Variants in TMEM135 observed in about 807,000 individuals in gnomAD.
TMEM135 encodes the protein peroxisomal membrane protein 52.
A neutral mutation model predicts 60.3 loss-of-function variants in TMEM135; 30 were observed. That is an observed-to-expected ratio of 0.50 (90% CI 0.37 to 0.68). TMEM135 has a LOEUF of 0.68. Ranked by LOEUF, TMEM135 falls within the 30% of genes least tolerant of loss-of-function variation. The pLI is 0.00. For synonymous variants in TMEM135, 190 were observed against 186.7 expected, an observed-to-expected ratio of 1.02 and a Z score of -0.14; for missense variants, 468 against 548.8, an observed-to-expected ratio of 0.85 and a Z score of 1.47.
chr11:87,158,675 AG>A, intron 5 of TMEM135, among the ~76,000 whole-genome samples: 2 of 152,196 alleles, frequency 1.3e-5, no homozygotes, highest in East Asian at 1.9e-4. Context: ...CATGTTAGCC[AG>A]GATGGTCTCG....
chr11:87,156,963 A>G (rs1823443928), intron 4 of TMEM135, among the ~76,000 whole-genome samples: 1 of 152,176 alleles, frequency 6.6e-6, no homozygotes. Flanking sequence ...AGCTCTTAAA[A>G]GATTGTGATT....
At chr11:87,123,783 T>C (rs1937645355) in intron 4 of TMEM135, among the ~76,000 whole-genome samples, 1 of 152,208 alleles carries the variant, frequency 6.6e-6, no homozygotes, top group African/African-American at 2.4e-5. Flanking sequence ...AATTAACATT[T>C]ATTGAGCCCC....
At chr11:87,060,653 T>C (rs1949937574) in intron 1 of TMEM135, among the ~76,000 whole-genome samples, 1 of 151,690 alleles carries the variant, frequency 6.6e-6, no homozygotes. Context: ...TTTCCTTTTT[T>C]TTTTTTTGAG....
At chr11:87,070,989 C>G (rs1283736700) in intron 2 of TMEM135, among the ~76,000 whole-genome samples, 1 of 152,078 alleles carries the variant, frequency 6.6e-6, no homozygotes, top group Non-Finnish European at 1.5e-5. Flanking sequence ...CTTAATGGCT[C>G]TATGAGATAG....
chr11:87,073,368 A>T (rs986158648), intron 3 of TMEM135, among the ~76,000 whole-genome samples: 1 of 152,150 alleles, frequency 6.6e-6, no homozygotes, highest in Non-Finnish European at 1.5e-5. Flanking sequence ...TGTAAGTGTC[A>T]TAGTATCTAA....
chr11:87,112,242 C>T (rs1268914699), intron 4 of TMEM135, among the ~76,000 whole-genome samples: 2 of 152,116 alleles, frequency 1.3e-5, no homozygotes, highest in Non-Finnish European at 2.9e-5. Context: ...TGACTTTGGT[C>T]TAGAAGGTAA....
intron 5 of TMEM135, among the ~76,000 whole-genome samples, chr11:87,223,307 G>A (rs868436261): frequency 5.9e-5 from 9 of 151,874 alleles, no homozygotes; most frequent in Admixed American, 2.6e-4. Flanking sequence ...TGTGACTACA[G>A]GCGCCAGCCA....
chr11:87,073,232 A>T (rs977524426), intron 3 of TMEM135, among the ~76,000 whole-genome samples: 2 of 152,044 alleles, frequency 1.3e-5, no homozygotes, highest in Non-Finnish European at 2.9e-5. Context: ...ACGGGGTTTC[A>T]CTTTGTTGGC....
chr11:87,201,912 C>A (rs1013039633), intron 5 of TMEM135, among the ~76,000 whole-genome samples: 3 of 151,694 alleles, frequency 2.0e-5, no homozygotes, highest in African/African-American at 7.3e-5. Context: ...TAAACACACA[C>A]ACATACACAT....
intron 4 of TMEM135, among the ~76,000 whole-genome samples, chr11:87,156,732 C>T (rs1467408503): frequency 6.6e-6 from 1 of 152,104 alleles, no homozygotes; most frequent in African/African-American, 2.4e-5. Flanking sequence ...ACTTTATCTC[C>T]TGTCTCTATA....
chr11:87,082,874 G>A (rs950258944), intron 3 of TMEM135, among the ~76,000 whole-genome samples: 32 of 152,162 alleles, frequency 2.1e-4, no homozygotes, highest in African/African-American at 7.2e-4. Flanking sequence ...AGCTTTAATA[G>A]TGCAATCTTT....
chr11:87,081,939 C>T (rs1213810064), intron 3 of TMEM135, among the ~76,000 whole-genome samples: 1 of 152,054 alleles, frequency 6.6e-6, no homozygotes, highest in Admixed American at 6.6e-5. Flanking sequence ...CTCATTGTTA[C>T]ATTATTGAAC....
chr11:87,186,492 T>C (rs1365502448), intron 5 of TMEM135, among the ~76,000 whole-genome samples: 1 of 152,206 alleles, frequency 6.6e-6, no homozygotes, highest in African/African-American at 2.4e-5. Context: ...TTGTATAGGA[T>C]ATAGGAGTGG....
At position 87,303,980 on chromosome 11, in the gene TMEM135, C is replaced by T. The variant is rs572709503; in HGVS notation, c.698+1538C>T. Among the ~76,000 whole-genome samples the T allele has an allele frequency of 2.0e-4, 30 of 152,252 alleles. 1 individual carries two copies. Among genetic ancestry groups the T allele is most frequent in the Admixed American group, 5.9e-4 (9 of 15,288 alleles). On this transcript the variant is annotated intron_variant, in intron 8 of 14. Coordinates refer to ENST00000305494, the MANE Select transcript of TMEM135 (RefSeq NM_022918.4). ...TACTACAGAAGCAAAGCAAATAATA[C>T]AAGAGACAGGCATTCCAGGTGCTGG... is the stretch of plus-strand genomic sequence containing the variant.
chr11:87,145,895 G>A (rs987863039), intron 4 of TMEM135, among the ~76,000 whole-genome samples: 8 of 152,018 alleles, frequency 5.3e-5, no homozygotes, highest in South Asian at 4.1e-4. Flanking sequence ...TCTCTACTCC[G>A]TTGTTTTCTT....
At chr11:87,181,186 C>T (rs911051266) in intron 5 of TMEM135, among the ~76,000 whole-genome samples, 2 of 151,906 alleles carry the variant, frequency 1.3e-5, no homozygotes, top group Non-Finnish European at 2.9e-5. Flanking sequence ...ACTAAAATAC[C>T]TAAAAATGTT....
At chr11:87,157,685 G>T (rs531500) in intron 5 of TMEM135, 118,258 of 325,250 alleles carry the variant, frequency 0.36, 22,496 homozygotes, top group East Asian at 0.66. Context: ...ACAAATGTTT[G>T]TAATGAAAAA....
rs370513128 is a variant in TMEM135, at chr11:87,244,325, G to A, written c.509+7641G>A. The stretch of plus-strand genomic sequence containing the variant: ...GTCTAAAATTCTCTTTTTTGGTTGT[G>A]TCTCTGCCCGGCTTTGGTATCAGGA... On this transcript the variant is annotated intron_variant, in intron 6 of 14. Coordinates refer to ENST00000305494, the MANE Select transcript of TMEM135 (RefSeq NM_022918.4). Among the ~76,000 whole-genome samples the A allele has an allele frequency of 1.3e-4, 9 of 70,678 alleles. 2 individuals carry two copies. In the East Asian group the frequency reaches 2.1e-3, roughly 17 times the overall value. The allele number at this position is 70,678 out of a possible 152,430, so 46.4% of individuals were successfully genotyped here.
At chr11:87,130,121 T>TAA (rs112889721) in intron 4 of TMEM135, among the ~76,000 whole-genome samples, 5 of 148,152 alleles carry the variant, frequency 3.4e-5, no homozygotes, top group East Asian at 2.0e-4. Flanking sequence ...AGTACATTTT[T>TAA]AAAAAAAAAA....
Sources: gnomAD v4.1 joint callset for allele counts (sites outside exome capture counted in the v4.1 genomes callset) on GRCh38, gnomAD v4.1.1 for gene constraint, MANE v1.5 for transcripts, NCBI Gene and HGNC (gene_info 2026-07-23, HGNC 2026-07-21) for gene names.